CSMD1: variants seen among roughly 807,000 people sequenced by gnomAD.
CSMD1 encodes CUB and sushi domain-containing protein 1.
Under a neutral mutation model 417.5 loss-of-function variants are expected in CSMD1, and 213 were observed. That is an observed-to-expected ratio of 0.51 (90% CI 0.46 to 0.57). CSMD1 has a LOEUF of 0.57. CSMD1 is among the 20% of genes least tolerant of loss of function. CSMD1 has a pLI of 0.00. For missense variants in CSMD1, 6,923 were observed against 4,529.7 expected (o/e 1.53, Z -15.17); for synonymous variants, 2,862 against 1,736.8 (o/e 1.65, Z -16.11).
intron 23 of CSMD1, among the ~76,000 whole-genome samples, chr8:3,329,686 C>T (rs1333221642): frequency 6.6e-6 from 1 of 152,134 alleles, no homozygotes; most frequent in Non-Finnish European, 1.5e-5. Flanking sequence ...GAAAGAGTTG[C>T]CCAGCCCCGG....
At chr8:3,052,336 T>G (rs984496396) in intron 50 of CSMD1, 126 bp downstream of exon 50, 2 of 651,844 alleles carry the variant, frequency 3.1e-6, no homozygotes, top group African/African-American at 3.7e-5. Flanking sequence ...ATTGCTATGA[T>G]GAAAGACACC....
intron 3 of CSMD1, among the ~76,000 whole-genome samples, chr8:4,206,435 G>A (rs866064654): frequency 5.3e-5 from 8 of 152,048 alleles, no homozygotes; most frequent in Middle Eastern, 3.2e-3. Flanking sequence ...AACATGCGGT[G>A]TTTGGTTTTC....
intron 5 of CSMD1, among the ~76,000 whole-genome samples, chr8:3,835,726 A>C (rs76591947): frequency 6.6e-5 from 8 of 121,914 alleles, no homozygotes; most frequent in African/African-American, 2.8e-4. Context: ...TTAACAAAAA[A>C]AAAAAAAAAG....
rs923781692 is a variant in CSMD1, at chr8:4,243,965, G to T, written c.415+175988C>A. On this transcript the variant is annotated intron_variant, in intron 3 of 69. Transcript: ENST00000635120. Reference sequence around the variant, plus strand: ...CAACTACAATCATCAGTAGCAGGTGGGAACGGGTTACAGTGGCAGAATTTC... The same window carrying T: ...CAACTACAATCATCAGTAGCAGGTGTGAACGGGTTACAGTGGCAGAATTTC... Among the ~76,000 whole-genome samples the T allele has an allele frequency of 2.6e-5, 4 of 152,154 alleles. No individual in the cohort carries two copies. In the East Asian group the frequency reaches 5.8e-4, roughly 22 times the overall value.
At chr8:3,107,902 C>T in intron 44 of CSMD1, 104 bp from the exon 45 acceptor site, 1 of 708,184 alleles carries the variant, frequency 1.4e-6, no homozygotes, top group Non-Finnish European at 2.4e-6. Context: ...TGCTTAAGTA[C>T]ACGGACTGAA....
intron 1 of CSMD1, among the ~76,000 whole-genome samples, chr8:4,920,871 G>C (rs1160519894): frequency 1.2e-4 from 1 of 8,618 alleles, no homozygotes; most frequent in African/African-American, 2.4e-4. Flanking sequence ...GAAAAGAAAA[G>C]AAAAGAAAAG....
chr8:4,965,145 T>C (rs923829209), intron 1 of CSMD1, among the ~76,000 whole-genome samples: 12 of 152,192 alleles, frequency 7.9e-5, no homozygotes, highest in African/African-American at 2.7e-4. Context: ...CAAGCAAATA[T>C]TTGTAGATAG....
intron 26 of CSMD1, among the ~76,000 whole-genome samples, chr8:3,273,495 T>G (rs888222861): frequency 1.3e-5 from 2 of 152,202 alleles, no homozygotes; most frequent in African/African-American, 2.4e-5. Flanking sequence ...TGGAATAGTT[T>G]CAGAAGGAAT....
Position 3,029,399 on chromosome 8 carries a change from T to G in CSMD1, c.7775A>C (p.Tyr2592Ser). Reference protein sequence around the residue: ...AQVLLSCSPGYYLEGWRLLRC... With the variant: ...AQVLLSCSPGSYLEGWRLLRC... The stretch of plus-strand genomic sequence containing the variant: ...CAGGAGCCTCCAGCCTTCTAAGTAG[T>G]AACCAGGACTGCAGCTCAGCAATAC... The change falls in exon 51 of 70, where the codon TAC (tyrosine) becomes TCC (serine). Residue 2592 changes from tyrosine to serine, a missense_variant. Physicochemically the swap from Tyr to Ser is moderately radical, Grantham distance 144. Coordinates refer to ENST00000635120, the MANE Select transcript of CSMD1 (RefSeq NM_033225.6). 6.2e-7 allele frequency: 1 copy of G among 1,612,072 alleles called. No individual in the cohort carries two copies.
chr8:4,351,236 C>G (rs1010704769), intron 3 of CSMD1, among the ~76,000 whole-genome samples: 2 of 152,114 alleles, frequency 1.3e-5, no homozygotes, highest in East Asian at 1.9e-4. Context: ...ACCTAAAGCT[C>G]CATCTACATC....
At chr8:3,615,535 T>C (rs1802094318) in intron 8 of CSMD1, among the ~76,000 whole-genome samples, 1 of 152,194 alleles carries the variant, frequency 6.6e-6, no homozygotes, top group Non-Finnish European at 1.5e-5. Flanking sequence ...CCGACACTAT[T>C]TCTTCACATC....
chr8:3,945,468 C>G (rs1047775912), intron 5 of CSMD1, among the ~76,000 whole-genome samples: 1 of 152,026 alleles, frequency 6.6e-6, no homozygotes, highest in Non-Finnish European at 1.5e-5. Flanking sequence ...CAATTGTTTT[C>G]TTAGTTACTC....
intron 7 of CSMD1, among the ~76,000 whole-genome samples, chr8:3,626,081 G>A (rs961368126): frequency 6.6e-6 from 1 of 152,072 alleles, no homozygotes; most frequent in Admixed American, 6.6e-5. Flanking sequence ...CTGGAGAATC[G>A]TCCTCATCAC....
chr8:4,605,959 C>T (rs528784416), intron 2 of CSMD1, among the ~76,000 whole-genome samples: 1 of 152,204 alleles, frequency 6.6e-6, no homozygotes, highest in South Asian at 2.1e-4. Context: ...CTAAGCTAGA[C>T]CAGAGCAGAG....
intron 1 of CSMD1, among the ~76,000 whole-genome samples, chr8:4,708,676 T>A (rs1356290646): frequency 1.3e-5 from 2 of 148,482 alleles, no homozygotes; most frequent in African/African-American, 5.0e-5. Context: ...CCAGATTCAT[T>A]TTTTTTTTTA....
At chr8:4,376,165 C>G (rs558621527) in intron 3 of CSMD1, among the ~76,000 whole-genome samples, 12 of 152,166 alleles carry the variant, frequency 7.9e-5, no homozygotes, top group Non-Finnish European at 1.8e-4. Flanking sequence ...ATCAAGTGTG[C>G]TTAACAACTG....
intron 3 of CSMD1, among the ~76,000 whole-genome samples, chr8:4,394,610 G>A (rs1186734714): frequency 6.6e-6 from 1 of 152,124 alleles, no homozygotes; most frequent in African/African-American, 2.4e-5. Context: ...AGGAAGGTGA[G>A]ATGTTGTCAT....
At chr8:4,451,875 A>C (rs966119708) in intron 2 of CSMD1, among the ~76,000 whole-genome samples, 2 of 151,588 alleles carry the variant, frequency 1.3e-5, no homozygotes, top group Non-Finnish European at 2.9e-5. Flanking sequence ...TTCAAACCTC[A>C]TGTGTTCTCT....
chr8:4,438,864 T>C (rs1798300047), intron 2 of CSMD1, among the ~76,000 whole-genome samples: 1 of 152,216 alleles, frequency 6.6e-6, no homozygotes, highest in Non-Finnish European at 1.5e-5. Context: ...CTGTATCACG[T>C]TCCCTTGAAA....
Sources: allele counts gnomAD v4.1 joint callset (sites outside exome capture counted in the v4.1 genomes callset), GRCh38; gene constraint gnomAD v4.1.1; transcripts MANE v1.5; gene names NCBI Gene and HGNC (gene_info 2026-07-23, HGNC 2026-07-21).